Variants in ATP1A1 observed in about 807,000 individuals in gnomAD.
ATP1A1 encodes ATPase Na+/K+ transporting subunit alpha 1, also known as sodium/potassium-transporting ATPase subunit alpha-1.
ATP1A1 carries 14 observed loss-of-function variants against 114.8 expected under a neutral mutation model. The observed-to-expected ratio is 0.12, with a 90% CI of 0.08 to 0.19. The LOEUF is 0.19. ATP1A1 is among the 10% of genes least tolerant of loss of function. ATP1A1 has a pLI of 1.00. For synonymous variants in ATP1A1, 471 were observed against 466.3 expected (o/e 1.01, Z -0.13); for missense variants, 524 against 1,290.7 (o/e 0.41, Z 9.10).
In ATP1A1 at chr1:116,399,387, G is replaced by A; in HGVS notation, c.2449-33G>A. 6.3e-7 allele frequency: 1 copy of A among 1,598,914 alleles called. No individual in the cohort carries two copies. The highest frequency in any genetic ancestry group is 8.5e-7 in the Non-Finnish European group (1 of 1,174,490). On this transcript the variant is annotated intron_variant, in intron 17 of 22. Transcript: ENST00000295598. The surrounding 1 kb of genome is among the most constrained non-coding windows in gnomAD (Gnocchi z 5.0). ...CACAATATTAGCTTCCTTATTTTTA[G>A]TAACTAAATTCCTTCTCCCCACCCC... is the stretch of plus-strand genomic sequence containing the variant.
At position 116,384,758 on chromosome 1, in the gene ATP1A1, T is replaced by A. The variant is rs1370871581; in HGVS notation, c.124-25T>A. 10 of 1,586,528 alleles carry A rather than the reference T, an allele frequency of 6.3e-6. No homozygotes were observed. Among genetic ancestry groups the A allele is most frequent in the Non-Finnish European group, 8.6e-6 (10 of 1,163,982 alleles). ...TTTTTATACTACACTGTTTAACTAT[T>A]TTCTTTGTTTCTGTTTTCCCTTAGG... is the stretch of plus-strand genomic sequence containing the variant. On this transcript the variant is annotated intron_variant, in intron 2 of 22. Coordinates refer to ENST00000295598, the MANE Select transcript of ATP1A1 (RefSeq NM_000701.8). The surrounding 1 kb of genome is among the most constrained non-coding windows in gnomAD (Gnocchi z 5.1).
At chr1:116,392,723 G>C in intron 10 of ATP1A1, 131 bp from the exon 11 acceptor site, 1 of 1,131,644 alleles carries the variant, frequency 8.8e-7, no homozygotes, top group South Asian at 1.6e-5. Flanking sequence ...TAACACCGCT[G>C]CTTCCTTCTT....
intron 21 of ATP1A1, among the ~76,000 whole-genome samples, chr1:116,402,363 A>G (rs1157504227): frequency 6.6e-6 from 1 of 152,226 alleles, no homozygotes; most frequent in African/African-American, 2.4e-5. Context: ...GGACCCATTT[A>G]CAAGTTCCTT....
chr1:116,393,381 T>A lies in ATP1A1; in HGVS notation c.1468-150T>A. On this transcript the variant is annotated intron_variant, in intron 11 of 22. Transcript: ENST00000295598. This position sits in a 1 kb window ranked among gnomAD's most constrained non-coding sequence, Gnocchi z 5.0. ...TTTTTTTTCTGTAGCATTCAAAGTA[T>A]GTTACAGGTGTAAGATACTTCAGAG... The A allele has an allele frequency of 1.2e-6, 1 of 810,350 alleles. No individual in the cohort carries two copies. The highest frequency in any genetic ancestry group is 1.9e-6 in the Non-Finnish European group (1 of 526,290). The allele number at this position is 810,350 out of a possible 1,614,324, so 50.2% of individuals were successfully genotyped here.
In ATP1A1 at chr1:116,389,500, A is replaced by G. The variant is rs1450664823; in HGVS notation, c.816A>G (p.Thr272=). The change falls in exon 8 of 23, where the codon ACA becomes ACG. Residue 272 remains threonine (T), a synonymous_variant. Coordinates refer to ENST00000295598, the MANE Select transcript of ATP1A1 (RefSeq NM_000701.8). The surrounding 1 kb of genome is among the most constrained non-coding windows in gnomAD (Gnocchi z 6.9). ...GDRTVMGRIA[T]LASGLEGGQT... is the part of the protein sequence containing the mutation. ...GCACTGTGATGGGAAGAATTGCCACACTTGCTTCTGGGCTGGAAGGAGGCC... is the reference window on the plus strand; with the variant it reads ...GCACTGTGATGGGAAGAATTGCCACGCTTGCTTCTGGGCTGGAAGGAGGCC... 3 of 1,614,090 alleles carry G rather than the reference A, an allele frequency of 1.9e-6. No homozygotes were observed. Among genetic ancestry groups the G allele is most frequent in the African/African-American group, 2.7e-5 (2 of 74,908 alleles).
rs1652241416 is a variant in ATP1A1 at position 116,388,449 on chromosome 1, C to G, written c.502-189C>G. ...TTTGAATGTAAACTCTGAATACAGG[C>G]ACACCATGTAACAGCAATATCTCTT... On this transcript the variant is annotated intron_variant, in intron 5 of 22. Coordinates refer to ENST00000295598, the MANE Select transcript of ATP1A1 (RefSeq NM_000701.8). This position sits in a 1 kb window ranked among gnomAD's most constrained non-coding sequence, Gnocchi z 5.6. 2 of 961,896 alleles carry G rather than the reference C, an allele frequency of 2.1e-6. No homozygotes were observed. The highest frequency in any genetic ancestry group is 3.0e-6 in the Non-Finnish European group (2 of 660,720). The allele number at this position is 961,896 out of a possible 1,614,324, so 59.6% of individuals were successfully genotyped here.
rs759579798 is a variant in ATP1A1, at chr1:116,383,976, A to G, written c.13-38A>G. On this transcript the variant is annotated intron_variant, in intron 1 of 22. Transcript: ENST00000295598. ...GAATTTTCAGTTTCAGATGAGGTTCATAATTCATGGCCTCACTTTTCCCAC... is the reference window on the plus strand; with the variant it reads ...GAATTTTCAGTTTCAGATGAGGTTCGTAATTCATGGCCTCACTTTTCCCAC... The G allele has an allele frequency of 1.1e-4, 166 of 1,561,196 alleles. 1 individual carries two copies. The Middle Eastern group carries it at 1.8e-3, about 17-fold the overall frequency.
chr1:116,377,723 C>T lies in ATP1A1; in HGVS notation c.12+4200C>T, dbSNP rs1173961473. Among the ~76,000 whole-genome samples, 8 of 152,318 alleles carry T rather than the reference C, an allele frequency of 5.3e-5. No homozygotes were observed. The East Asian group carries it at 1.5e-3, about 29-fold the overall frequency. ...ACTTCTTCTAGCTGCCGAGGGCTCTCTGCCAGCCAACAGGCTAGAAGAAGA... is the reference window on the plus strand; with the variant it reads ...ACTTCTTCTAGCTGCCGAGGGCTCTTTGCCAGCCAACAGGCTAGAAGAAGA... On this transcript the variant is annotated intron_variant, in intron 1 of 22. Transcript: ENST00000295598.
chr1:116,387,360 ACTC>A lies in ATP1A1; in HGVS notation c.259_261del (p.Pro87del). The A allele has an allele frequency of 6.2e-7, 1 of 1,613,528 alleles. No homozygotes were observed. Among genetic ancestry groups the A allele is most frequent in the Non-Finnish European group, 8.5e-7 (1 of 1,179,916 alleles). On this transcript the variant is annotated inframe_deletion, in exon 4 of 23. Coordinates refer to ENST00000295598, the MANE Select transcript of ATP1A1 (RefSeq NM_000701.8). This position sits in a 1 kb window ranked among gnomAD's most constrained non-coding sequence, Gnocchi z 6.7. ...CAACGCCCTCACTCCCCCTCCCACT[ACTC>A]CTGAATGGATCAAGTTTTGTCGGCA...
rs1169987211 is a variant in ATP1A1 at position 116,388,279 on chromosome 1, T to C, written c.501+35T>C. The C allele has an allele frequency of 6.7e-7, 1 of 1,482,964 alleles. No individual in the cohort carries two copies. Among genetic ancestry groups the C allele is most frequent in the Non-Finnish European group, 9.4e-7 (1 of 1,061,072 alleles). 91.9% of individuals were successfully genotyped at this position (1,482,964 alleles called of 1,614,324 possible). The stretch of plus-strand genomic sequence containing the variant: ...GCTTTGTCCTTCCCCAGTGGATGAC[T>C]TGACAGCCCCAAGCATGTCAGCCTG... On this transcript the variant is annotated intron_variant, in intron 5 of 22. Coordinates refer to ENST00000295598, the MANE Select transcript of ATP1A1 (RefSeq NM_000701.8). This position sits in a 1 kb window ranked among gnomAD's most constrained non-coding sequence, Gnocchi z 5.6.
In ATP1A1 at chr1:116,387,556, C is replaced by T. The variant is rs960349458; in HGVS notation, c.387+65C>T. The T allele has an allele frequency of 1.9e-6, 3 of 1,542,800 alleles. No individual in the cohort carries two copies. The highest frequency in any genetic ancestry group is 2.7e-6 in the Non-Finnish European group (3 of 1,123,584). ...TCAGATATCTTCTCCGTCTTTGTCT[C>T]CCACTTCTTCTCAATTACCACTCAT... On this transcript the variant is annotated intron_variant, in intron 4 of 22. Coordinates refer to ENST00000295598, the MANE Select transcript of ATP1A1 (RefSeq NM_000701.8). The surrounding 1 kb of genome is among the most constrained non-coding windows in gnomAD (Gnocchi z 6.7).
rs192600359 is a variant in ATP1A1 at position 116,388,063 on chromosome 1, A to G, written c.388-68A>G. On this transcript the variant is annotated intron_variant, in intron 4 of 22. Transcript: ENST00000295598. The surrounding 1 kb of genome is among the most constrained non-coding windows in gnomAD (Gnocchi z 5.6). ...TAAAAATCTGTTTTTTATTCAGTCAAAAAATTAATTGAATGTCCCTAATTA... is the reference window on the plus strand; with the variant it reads ...TAAAAATCTGTTTTTTATTCAGTCAGAAAATTAATTGAATGTCCCTAATTA... 305 of 1,062,428 alleles carry G rather than the reference A, an allele frequency of 2.9e-4. No individual in the cohort carries two copies. The East Asian group carries it at 4.4e-3, about 15-fold the overall frequency. The allele number at this position is 1,062,428 out of a possible 1,614,324, so 65.8% of individuals were successfully genotyped here. A position where few individuals can be genotyped will look rare whatever the true frequency, so the allele number is the denominator to read the frequency against.
In ATP1A1 at chr1:116,401,761, G is replaced by A. The variant is rs1471660298; in HGVS notation, c.2951+106G>A. 1 of 1,164,582 alleles carries A rather than the reference G, an allele frequency of 8.6e-7. No homozygotes were observed. Among genetic ancestry groups the A allele is most frequent in the East Asian group, 2.4e-5 (1 of 42,540 alleles). The allele number at this position is 1,164,582 out of a possible 1,614,324, so 72.1% of individuals were successfully genotyped here. A position where few individuals can be genotyped will look rare whatever the true frequency, so the allele number is the denominator to read the frequency against. The stretch of plus-strand genomic sequence containing the variant: ...TTATTTTCAGAATTTTGAGTGGTAT[G>A]TACAAAAATTCCTATGGGTTGGAAA... On this transcript the variant is annotated intron_variant, in intron 21 of 22. Transcript: ENST00000295598. This position sits in a 1 kb window ranked among gnomAD's most constrained non-coding sequence, Gnocchi z 4.7.
rs202148438 is a variant in ATP1A1, at chr1:116,390,190, A to G, written c.1024-23A>G. ...AATTCCAGCCTGGTTGAGTGAAGTA[A>G]TAATCTTCCTAATATTTTTTAGGTC... On this transcript the variant is annotated intron_variant, in intron 8 of 22. Transcript: ENST00000295598. The G allele has an allele frequency of 6.8e-6, 11 of 1,610,026 alleles. No homozygotes were observed. In the African/African-American group the frequency reaches 1.2e-4, roughly 18 times the overall value.
intron 1 of ATP1A1, 139 bp downstream of exon 1, chr1:116,373,662 C>T (rs1207364731): frequency 7.8e-6 from 8 of 1,025,556 alleles, no homozygotes; most frequent in South Asian, 2.3e-5. Context: ...CAGAGCCGCG[C>T]GGCTTAAAAG....
chr1:116,398,009 C>T lies in ATP1A1; in HGVS notation c.2095C>T (p.Leu699Phe). The part of the protein sequence containing the change: ...VFARTSPQQK[L>F]IIVEGCQRQG... ...TGCCAGGACCTCCCCTCAGCAGAAGCTCATCATTGTGGAAGGCTGCCAAAG... is the reference window on the plus strand; with the variant it reads ...TGCCAGGACCTCCCCTCAGCAGAAGTTCATCATTGTGGAAGGCTGCCAAAG... Residue 699 changes from leucine to phenylalanine, a missense_variant, in exon 15 of 23, where the codon CTC becomes TTC. Leu to Phe is a conservative substitution (Grantham distance 22). Around this residue, in one of 8 missense-constraint regions of ATP1A1, gnomAD observed 47 missense variants for 79.8 expected, o/e 0.59. Coordinates refer to ENST00000295598, the MANE Select transcript of ATP1A1 (RefSeq NM_000701.8). The surrounding 1 kb of genome is among the most constrained non-coding windows in gnomAD (Gnocchi z 6.1). 1 of 1,614,082 alleles carries T rather than the reference C, an allele frequency of 6.2e-7. No individual in the cohort carries two copies. The highest frequency in any genetic ancestry group is 8.5e-7 in the Non-Finnish European group (1 of 1,180,014).
rs1286051576 is a variant in ATP1A1, at chr1:116,373,494, G to A, written c.-18G>A. 1 of 1,509,672 alleles carries A rather than the reference G, an allele frequency of 6.6e-7. No individual in the cohort carries two copies. The highest frequency in any genetic ancestry group is 2.9e-5 in the East Asian group (1 of 34,728). The allele number at this position is 1,509,672 out of a possible 1,614,324, so 93.5% of individuals were successfully genotyped here. A position where few individuals can be genotyped will look rare whatever the true frequency, so the allele number is the denominator to read the frequency against. ...CTCCAGCGACAGGACCCGGCGCCGGGCACTGAGCACCGCCACCATGGGGAA... is the reference window on the plus strand; with the variant it reads ...CTCCAGCGACAGGACCCGGCGCCGGACACTGAGCACCGCCACCATGGGGAA... On this transcript the variant is annotated 5_prime_UTR_variant, in exon 1 of 23. Coordinates refer to ENST00000295598, the MANE Select transcript of ATP1A1 (RefSeq NM_000701.8).
rs1272674249 is a variant in ATP1A1 at position 116,393,053 on chromosome 1, G to C, written c.1467+65G>C. 5.1e-6 allele frequency: 8 copies of C among 1,581,176 alleles called. No homozygotes were observed. In the Admixed American group the frequency reaches 1.3e-4, roughly 25 times the overall value. ...TGGGGGACAAAGAGGGGAGGTACAT[G>C]AGCAGGAAGAGGAAATATTCTCCCT... On this transcript the variant is annotated intron_variant, in intron 11 of 22. Transcript: ENST00000295598. The surrounding 1 kb of genome is among the most constrained non-coding windows in gnomAD (Gnocchi z 5.0).
chr1:116,393,682 A>G lies in ATP1A1; in HGVS notation c.1619A>G (p.Asn540Ser). ...GAGGAGCTGAAAGACGCCTTTCAGA[A>G]CGCCTATTTGGAGCTGGGGGGCCTC... is the stretch of plus-strand genomic sequence containing the variant. The part of the protein sequence containing the change: ...LDEELKDAFQ[N>S]AYLELGGLGE... The change falls in exon 12 of 23, where the codon AAC becomes AGC. Residue 540 changes from asparagine (N) to serine (S), a missense_variant. Physicochemically the swap from Asn to Ser is conservative, Grantham distance 46. Coordinates refer to ENST00000295598, the MANE Select transcript of ATP1A1 (RefSeq NM_000701.8). The surrounding 1 kb of genome is among the most constrained non-coding windows in gnomAD (Gnocchi z 5.0). 2.5e-6 allele frequency: 4 copies of G among 1,614,056 alleles called. No individual in the cohort carries two copies. Among genetic ancestry groups the G allele is most frequent in the Non-Finnish European group, 3.4e-6 (4 of 1,180,034 alleles).
Sources: gnomAD v4.1 joint callset for allele counts (sites outside exome capture counted in the v4.1 genomes callset) on GRCh38, gnomAD v4.1.1 for gene constraint, gnomAD v4.1.1 regional missense constraint, Gnocchi (gnomAD v3.1) non-coding constraint, MANE v1.5 for transcripts, NCBI Gene and HGNC (gene_info 2026-07-23, HGNC 2026-07-21) for gene names.